DSCAML1: variants seen among roughly 807,000 people sequenced by gnomAD.
DSCAML1 encodes the protein cell adhesion molecule DSCAML1.
DSCAML1 carries 38 observed loss-of-function variants against 200.5 expected under a neutral mutation model. The observed-to-expected ratio is 0.19, with a 90% CI of 0.15 to 0.25. The LOEUF (loss-of-function observed/expected upper bound fraction) is 0.25. Ranked by LOEUF, DSCAML1 falls within the 10% of genes least tolerant of loss-of-function variation. The pLI is 1.00. For synonymous variants in DSCAML1, 1,215 were observed against 1,165.0 expected, an observed-to-expected ratio of 1.04 and a Z score of -0.87; for missense variants, 2,223 against 2,858.8, an observed-to-expected ratio of 0.78 and a Z score of 5.07.
At chr11:117,604,190 C>T (rs1412245441) in intron 3 of DSCAML1, among the ~76,000 whole-genome samples, 1 of 152,190 alleles carries the variant, frequency 6.6e-6, no homozygotes, top group Non-Finnish European at 1.5e-5. Flanking sequence ...GCATCTGACC[C>T]ATGGCAGGTG....
intron 14 of DSCAML1, among the ~76,000 whole-genome samples, chr11:117,479,003 C>G (rs957255324): frequency 6.6e-6 from 1 of 152,230 alleles, no homozygotes; most frequent in Admixed American, 6.5e-5. Flanking sequence ...GATGACTGAC[C>G]CAGGTCCCTG....
At chr11:117,530,953 A>G (rs1330134719) in intron 4 of DSCAML1, among the ~76,000 whole-genome samples, 2 of 152,226 alleles carry the variant, frequency 1.3e-5, no homozygotes, top group Non-Finnish European at 2.9e-5. Flanking sequence ...GCAAACTTTT[A>G]GGAGGTTGTG....
At chr11:117,601,496 A>T (rs541326755) in intron 3 of DSCAML1, among the ~76,000 whole-genome samples, 1 of 152,324 alleles carries the variant, frequency 6.6e-6, no homozygotes, top group South Asian at 2.1e-4. Context: ...CTCCAGAAAC[A>T]CTACGCCATC....
At chr11:117,435,150 C>G (rs1193401715) in intron 27 of DSCAML1, among the ~76,000 whole-genome samples, 1 of 152,212 alleles carries the variant, frequency 6.6e-6, no homozygotes, top group Non-Finnish European at 1.5e-5. Flanking sequence ...TAGACTGTGG[C>G]ATCAGGTAAT....
At chr11:117,597,593 C>T (rs2051386359) in intron 3 of DSCAML1, among the ~76,000 whole-genome samples, 2 of 152,180 alleles carry the variant, frequency 1.3e-5, no homozygotes, top group African/African-American at 2.4e-5. Context: ...GAACTACAGG[C>T]GTGCATCACC....
At chr11:117,522,271 C>T (rs530886588) in intron 5 of DSCAML1, among the ~76,000 whole-genome samples, 19 of 152,328 alleles carry the variant, frequency 1.2e-4, no homozygotes, top group Admixed American at 4.6e-4. Flanking sequence ...CCTCTAGCCC[C>T]GCTGTGTATA....
At chr11:117,509,593 A>C (rs1327159003) in intron 8 of DSCAML1, among the ~76,000 whole-genome samples, 1 of 152,030 alleles carries the variant, frequency 6.6e-6, no homozygotes, top group Non-Finnish European at 1.5e-5. Context: ...CTGGAGGGGG[A>C]AGAGAGCCCA....
chr11:117,814,645 G>T (rs1234028521), intron 1 of DSCAML1, among the ~76,000 whole-genome samples: 2 of 152,228 alleles, frequency 1.3e-5, no homozygotes, highest in African/African-American at 2.4e-5. Context: ...TGAACTTTCA[G>T]ATGCAATCCC....
intron 3 of DSCAML1, among the ~76,000 whole-genome samples, chr11:117,667,105 C>T (rs770134043): frequency 4.6e-5 from 7 of 152,202 alleles, no homozygotes; most frequent in Non-Finnish European, 7.3e-5. Flanking sequence ...AAGGAGCCTG[C>T]TCTCCTGACA....
rs897786208 is a variant in DSCAML1 at position 117,428,073 on chromosome 11, A to G, written c.*255T>C. On this transcript the variant is annotated 3_prime_UTR_variant, in exon 33 of 33. Coordinates refer to ENST00000651296, the MANE Select transcript of DSCAML1 (RefSeq NM_020693.4). ...TGTCTATATATGTATATATATCTCC[A>G]CACATATTTTGTGGGGTGGGGGATT... The G allele has an allele frequency of 1.4e-5, 6 of 418,778 alleles. No homozygotes were observed. The highest frequency in any genetic ancestry group is 2.6e-5 in the Non-Finnish European group (6 of 235,106). The allele number at this position is 418,778 out of a possible 1,614,324, so 25.9% of individuals were successfully genotyped here.
chr11:117,623,855 G>A (rs1477431064), intron 3 of DSCAML1, among the ~76,000 whole-genome samples: 4 of 152,180 alleles, frequency 2.6e-5, no homozygotes, highest in African/African-American at 7.2e-5. Flanking sequence ...TTCTGACACT[G>A]AGACCAGTTA....
intron 1 of DSCAML1, among the ~76,000 whole-genome samples, chr11:117,793,717 C>CCT (rs1472014665): frequency 1.3e-5 from 2 of 152,160 alleles, no homozygotes; most frequent in Non-Finnish European, 2.9e-5. Context: ...GAAAACTAAG[C>CCT]CTCTCTGTCC....
rs545216097 is a variant in DSCAML1 at position 117,564,190 on chromosome 11, T to C, written c.512-31668A>G. ...TGGTTTAAAGCTTCAGAGGACTGAC[T>C]CACACTCCTGTTTCATAGAAATGTA... On this transcript the variant is annotated intron_variant, in intron 3 of 32. Transcript: ENST00000651296. 1.2e-4 allele frequency among the ~76,000 whole-genome samples: 19 copies of C among 152,352 alleles called. No individual in the cohort carries two copies. In the South Asian group the frequency reaches 3.7e-3, roughly 30 times the overall value.
chr11:117,702,144 T>A (rs1347569756), intron 3 of DSCAML1, among the ~76,000 whole-genome samples: 2 of 152,194 alleles, frequency 1.3e-5, no homozygotes, highest in Non-Finnish European at 2.9e-5. Context: ...CCTTCCAGAA[T>A]GATCTCTCTC....
At chr11:117,568,799 G>A in intron 3 of DSCAML1, among the ~76,000 whole-genome samples, 1 of 152,148 alleles carries the variant, frequency 6.6e-6, no homozygotes, top group East Asian at 1.9e-4. Flanking sequence ...TACTGCCCAA[G>A]GTAATTTACA....
intron 3 of DSCAML1, among the ~76,000 whole-genome samples, chr11:117,607,220 C>T (rs974436970): frequency 3.3e-5 from 5 of 152,206 alleles, no homozygotes; most frequent in East Asian, 3.8e-4. Flanking sequence ...ACGGCCTTTT[C>T]GTGCTCTGTG....
chr11:117,701,092 C>A (rs1225350602), intron 3 of DSCAML1, among the ~76,000 whole-genome samples: 1 of 152,094 alleles, frequency 6.6e-6, no homozygotes, highest in African/African-American at 2.4e-5. Flanking sequence ...ATGGTGAAAC[C>A]CTGTCTCCAC....
intron 3 of DSCAML1, among the ~76,000 whole-genome samples, chr11:117,577,809 C>T (rs2050973708): frequency 6.6e-6 from 1 of 151,366 alleles, no homozygotes; most frequent in Non-Finnish European, 1.5e-5. Context: ...TCAAGTGATC[C>T]ACCCGCCTCG....
rs10892134 is a variant in DSCAML1, at chr11:117,516,210, C to T, written c.1783+257G>A. On this transcript the variant is annotated intron_variant, in intron 8 of 32. Coordinates refer to ENST00000651296, the MANE Select transcript of DSCAML1 (RefSeq NM_020693.4). This position sits in a 1 kb window ranked among gnomAD's most constrained non-coding sequence, Gnocchi z 5.7. ...CTGCCTCCTTTATCTGTAACTCACC[C>T]TCTCATGCACCTGGGGTGTGTGCTG... 0.11 allele frequency among the ~76,000 whole-genome samples: 16,516 copies of T among 152,208 alleles called. 1,818 individuals are homozygous for T. Among genetic ancestry groups the T allele is most frequent in the African/African-American group, 0.28 (11,704 of 41,486 alleles).
Sources: allele counts gnomAD v4.1 joint callset (sites outside exome capture counted in the v4.1 genomes callset), GRCh38; gene constraint gnomAD v4.1.1; non-coding constraint Gnocchi (gnomAD v3.1); transcripts MANE v1.5; gene names NCBI Gene and HGNC (gene_info 2026-07-23, HGNC 2026-07-21).